MTARC1: variants seen among roughly 807,000 people sequenced by gnomAD.
The protein encoded by MTARC1 is mitochondrial amidoxime-reducing component 1.
A neutral mutation model predicts 33.6 loss-of-function variants in MTARC1; 24 were observed. The observed-to-expected ratio is 0.72, with a 90% CI of 0.52 to 1.01. The LOEUF (loss-of-function observed/expected upper bound fraction) is 1.01, where lower values mean the gene tolerates loss of function less well. MTARC1 is among the 50% of genes least tolerant of loss of function. The pLI, the probability that MTARC1 is intolerant of heterozygous loss-of-function variation, is 0.00. For synonymous variants in MTARC1, 187 were observed against 189.5 expected (o/e 0.99, Z 0.11); for missense variants, 417 against 445.7 (o/e 0.94, Z 0.58).
In MTARC1 at chr1:220,794,215, G is replaced by C. The variant is rs72470593; in HGVS notation, c.450-2428G>C. Reference sequence around the variant, plus strand: ...CCTGGGCTGCCAAATGGCAAGTTGAGACTGAGAGGGTGCCTTGGTGGGCTG... The same window carrying C: ...CCTGGGCTGCCAAATGGCAAGTTGACACTGAGAGGGTGCCTTGGTGGGCTG... On this transcript the variant is annotated intron_variant, in intron 2 of 6. Transcript: ENST00000366910. 4 of 151,976 alleles carry C rather than the reference G, an allele frequency of 2.6e-5. No homozygotes were observed. In the South Asian group the frequency reaches 6.2e-4, roughly 24 times the overall value. The allele number at this position is 151,976 out of a possible 1,614,324, so 9.4% of individuals were successfully genotyped here.
intron 2 of MTARC1, among the ~76,000 whole-genome samples, chr1:220,795,619 T>C (rs1463778742): frequency 6.6e-6 from 1 of 152,244 alleles, no homozygotes; most frequent in Admixed American, 6.5e-5. Flanking sequence ...TGGGTTTATA[T>C]ATAAATTTAT....
rs1225195206 is a variant in MTARC1 at position 220,815,105 on chromosome 1, C to A, written c.*1687C>A. The A allele has an allele frequency of 6.6e-6, 1 of 152,266 alleles. No individual in the cohort carries two copies. Among genetic ancestry groups the A allele is most frequent in the East Asian group, 1.9e-4 (1 of 5,204 alleles). The allele number at this position is 152,266 out of a possible 1,614,324, so 9.4% of individuals were successfully genotyped here. A position where few individuals can be genotyped will look rare whatever the true frequency, so the allele number is the denominator to read the frequency against. The stretch of plus-strand genomic sequence containing the variant: ...CAATTTTCCAGAGAACCTGGGCCAT[C>A]ACCTTCCCCAACAAGTCCAGTTGAT... On this transcript the variant is annotated 3_prime_UTR_variant, in exon 7 of 7. Transcript: ENST00000366910.
chr1:220,808,848 T>C (rs1558093536), intron 6 of MTARC1: 1 of 471,084 alleles, frequency 2.1e-6, no homozygotes, highest in Non-Finnish European at 4.4e-6. Flanking sequence ...ATTTTTCTTT[T>C]CTTTCTTAAG....
chr1:220,809,944 G>C (rs1673077664), intron 6 of MTARC1, among the ~76,000 whole-genome samples: 1 of 152,246 alleles, frequency 6.6e-6, no homozygotes, highest in African/African-American at 2.4e-5. Flanking sequence ...ACGTTGACCA[G>C]TGAATGCGTA....
intron 6 of MTARC1, among the ~76,000 whole-genome samples, chr1:220,806,761 A>G (rs182221321): frequency 1.3e-5 from 2 of 152,222 alleles, no homozygotes; most frequent in Admixed American, 1.3e-4. Flanking sequence ...CTGTCATCCT[A>G]TAGGAGATAA....
Position 220,787,027 on chromosome 1 carries a change from TGG to T in MTARC1, c.85_86del (p.Gly29ProfsTer93), listed in dbSNP as rs1672254845. 1 of 1,356,352 alleles carries T rather than the reference TGG, an allele frequency of 7.4e-7. No homozygotes were observed. Among genetic ancestry groups the T allele is most frequent in the Non-Finnish European group, 9.4e-7 (1 of 1,062,610 alleles). The allele number at this position is 1,356,352 out of a possible 1,614,324, so 84.0% of individuals were successfully genotyped here. On this transcript the variant is annotated frameshift_variant, in exon 1 of 7. Transcript: ENST00000366910. LOFTEE classifies it high-confidence loss of function. ...CCCGGGTGGCTCGGGGTTGCCGCGC[TGG>T]GCCTGACCGCGGTGGCGCTGGGGGC...
Position 220,818,013 on chromosome 1 carries a change from T to C in MTARC1, c.*4595T>C, listed in dbSNP as rs1673317304. On this transcript the variant is annotated 3_prime_UTR_variant, in exon 7 of 7. Coordinates refer to ENST00000366910, the MANE Select transcript of MTARC1 (RefSeq NM_022746.4). ...CACAAAGCACTACTGTGCTTTGCTG[T>C]CTGCAAGAACAGAGATTGTTTGCTT... The C allele has an allele frequency of 6.6e-6, 1 of 152,226 alleles. No individual in the cohort carries two copies. Among genetic ancestry groups the C allele is most frequent in the Non-Finnish European group, 1.5e-5 (1 of 68,044 alleles). The allele number at this position is 152,226 out of a possible 1,614,324, so 9.4% of individuals were successfully genotyped here. A position where few individuals can be genotyped will look rare whatever the true frequency, so the allele number is the denominator to read the frequency against.
rs539931541 is a variant in MTARC1 at position 220,810,408 on chromosome 1, G to C, written c.888-2884G>C. 7.2e-5 allele frequency among the ~76,000 whole-genome samples: 11 copies of C among 152,236 alleles called. No individual in the cohort carries two copies. In the South Asian group the frequency reaches 2.3e-3, roughly 32 times the overall value. Reference sequence around the variant, plus strand: ...GGAGGTGGTGCAGGAGGCGGTGAGAGCCCGCAGCAAAACCAGGCAGCTGTA... The same window carrying C: ...GGAGGTGGTGCAGGAGGCGGTGAGACCCCGCAGCAAAACCAGGCAGCTGTA... On this transcript the variant is annotated intron_variant, in intron 6 of 6. Transcript: ENST00000366910.
intron 4 of MTARC1, among the ~76,000 whole-genome samples, chr1:220,803,402 A>G (rs780884788): frequency 7.9e-5 from 12 of 152,212 alleles, no homozygotes; most frequent in African/African-American, 2.9e-4. Flanking sequence ...CAGCCAAACC[A>G]TATCACGAAC....
At chr1:220,795,079 AC>A (rs1234038937) in intron 2 of MTARC1, among the ~76,000 whole-genome samples, 3 of 152,194 alleles carry the variant, frequency 2.0e-5, no homozygotes, top group African/African-American at 7.2e-5. Context: ...ATCCATTTAT[AC>A]ATTATTATTA....
At position 220,802,178 on chromosome 1, in the gene MTARC1, C is replaced by T. The variant is rs965682116; in HGVS notation, c.754-2874C>T. 1.1e-4 allele frequency among the ~76,000 whole-genome samples: 17 copies of T among 152,198 alleles called. 1 individual carries two copies. Among genetic ancestry groups the T allele is most frequent in the African/African-American group, 3.9e-4 (16 of 41,440 alleles). ...ATCACACTGTCTCCTGCAGCATCGCCCTCTGTCACCTGACATAGGTCCCTC... is the reference window on the plus strand; with the variant it reads ...ATCACACTGTCTCCTGCAGCATCGCTCTCTGTCACCTGACATAGGTCCCTC... On this transcript the variant is annotated intron_variant, in intron 4 of 6. Transcript: ENST00000366910.
chr1:220,787,234 C>G lies in MTARC1; in HGVS notation c.275+15C>G, dbSNP rs72470443. ...CTGCGGGACAGGTACGGCCAAGCGC[C>G]GGCGCGGGGCAGCGCTGATCCGGCT... On this transcript the variant is annotated intron_variant, in intron 1 of 6. Coordinates refer to ENST00000366910, the MANE Select transcript of MTARC1 (RefSeq NM_022746.4). The G allele has an allele frequency of 8.1e-3, 12,556 of 1,552,916 alleles. 165 individuals carry two copies. The highest frequency in any genetic ancestry group is 0.056 in the East Asian group (2,310 of 40,940).
At chr1:220,798,793 T>A in intron 4 of MTARC1, 1 of 924,060 alleles carries the variant, frequency 1.1e-6, no homozygotes, top group Non-Finnish European at 1.3e-6. Context: ...AAGGGGACCA[T>A]ATAGTGGTTC....
In MTARC1 at chr1:220,792,704, A is replaced by G. The variant is rs12031217; in HGVS notation, c.449+1040A>G. Among the ~76,000 whole-genome samples, 1,382 of 151,892 alleles carry G rather than the reference A, an allele frequency of 9.1e-3. 11 individuals are homozygous for G. The highest frequency in any genetic ancestry group is 0.059 in the East Asian group (306 of 5,176). ...ATCTGTGATAACTAATTAATATTGCAGCATATTTTCTTTCGGTCTCTATGC... is the reference window on the plus strand; with the variant it reads ...ATCTGTGATAACTAATTAATATTGCGGCATATTTTCTTTCGGTCTCTATGC... On this transcript the variant is annotated intron_variant, in intron 2 of 6. Transcript: ENST00000366910.
At chr1:220,804,139 T>C (rs1375518839) in intron 4 of MTARC1, among the ~76,000 whole-genome samples, 1 of 152,120 alleles carries the variant, frequency 6.6e-6, no homozygotes, top group African/African-American at 2.4e-5. Flanking sequence ...CGCCCTTCCT[T>C]CTTATTGCTG....
chr1:220,806,003 A>T (rs1169245924), intron 6 of MTARC1, among the ~76,000 whole-genome samples: 1 of 152,220 alleles, frequency 6.6e-6, no homozygotes, highest in African/African-American at 2.4e-5. Context: ...AATGCACATG[A>T]GTAGATAAAA....
chr1:220,810,481 A>G (rs1339552114), intron 6 of MTARC1, among the ~76,000 whole-genome samples: 2 of 151,110 alleles, frequency 1.3e-5, no homozygotes, highest in Admixed American at 1.3e-4. Flanking sequence ...TTCCACTCCC[A>G]TAGCTCTTCC....
intron 4 of MTARC1, among the ~76,000 whole-genome samples, chr1:220,804,007 T>A (rs72472331): frequency 0.014 from 2,096 of 152,320 alleles, 27 homozygotes; most frequent in South Asian, 0.051. Flanking sequence ...CTCATGATCA[T>A]CCAAGGACAA....
At chr1:220,794,163 C>G (rs573129924) in intron 2 of MTARC1, 31 of 152,218 alleles carry the variant, frequency 2.0e-4, no homozygotes, top group African/African-American at 7.2e-4. Flanking sequence ...GCCCTCCCAC[C>G]CTCCTATAAA....
Sources: gnomAD v4.1 joint callset for allele counts (sites outside exome capture counted in the v4.1 genomes callset) on GRCh38, gnomAD v4.1.1 for gene constraint, MANE v1.5 for transcripts, NCBI Gene and HGNC (gene_info 2026-07-23, HGNC 2026-07-21) for gene names.